The following FBXL17 variants were observed in gnomAD, a reference collection of about 807,000 sequenced individuals.
The protein encoded by FBXL17 is F-box and leucine rich repeat protein 17.
Under a neutral mutation model 66.2 loss-of-function variants are expected in FBXL17, and 22 were observed. The observed-to-expected ratio is 0.33, with a 90% CI of 0.24 to 0.47. FBXL17 has a LOEUF of 0.47. FBXL17 is among the 20% of genes least tolerant of loss of function. FBXL17 has a pLI of 1.00. For missense variants in FBXL17, 878 were observed against 948.2 expected (o/e 0.93, Z 0.97); for synonymous variants, 474 against 400.5 (o/e 1.18, Z -2.19).
chr5:108,038,288 A>ATCAGGACTGTATG (rs1554059277), intron 6 of FBXL17, among the ~76,000 whole-genome samples: 2 of 151,992 alleles, frequency 1.3e-5, no homozygotes, highest in Non-Finnish European at 2.9e-5. Flanking sequence ...TAGTTGTAAT[A>ATCAGGACTGTATG]ACAGGACTGT....
chr5:108,339,163 A>G (rs1746713582), intron 4 of FBXL17, among the ~76,000 whole-genome samples: 1 of 152,188 alleles, frequency 6.6e-6, no homozygotes, highest in African/African-American at 2.4e-5. Flanking sequence ...TAATTCTCCA[A>G]TTCTCCTTCC....
At chr5:107,918,917 A>G (rs1750220883) in intron 7 of FBXL17, among the ~76,000 whole-genome samples, 1 of 152,158 alleles carries the variant, frequency 6.6e-6, no homozygotes, top group Non-Finnish European at 1.5e-5. Context: ...TGCTTTCATT[A>G]TATTTTAATC....
chr5:108,327,372 T>C (rs780191776), intron 4 of FBXL17, among the ~76,000 whole-genome samples: 1 of 152,212 alleles, frequency 6.6e-6, no homozygotes, highest in Non-Finnish European at 1.5e-5. Context: ...AGTAACCTTC[T>C]TATTGTTTAA....
intron 4 of FBXL17, among the ~76,000 whole-genome samples, chr5:108,312,220 C>T (rs921371096): frequency 2.6e-5 from 4 of 152,050 alleles, no homozygotes; most frequent in African/African-American, 9.7e-5. Context: ...AAAGAATAAG[C>T]ATCCCTAGTC....
intron 6 of FBXL17, among the ~76,000 whole-genome samples, chr5:108,082,341 G>T (rs114612316): frequency 6.6e-6 from 1 of 152,070 alleles, no homozygotes; most frequent in Non-Finnish European, 1.5e-5. Context: ...GTGGGTCTCT[G>T]ATTTCTTCTC....
At chr5:108,013,325 T>A (rs759890062) in intron 7 of FBXL17, among the ~76,000 whole-genome samples, 1 of 152,228 alleles carries the variant, frequency 6.6e-6, no homozygotes, top group Non-Finnish European at 1.5e-5. Flanking sequence ...AATATTTTCA[T>A]AAGGTTTCTT....
At chr5:108,127,308 A>G (rs895093689) in intron 6 of FBXL17, among the ~76,000 whole-genome samples, 2 of 152,238 alleles carry the variant, frequency 1.3e-5, no homozygotes, top group Non-Finnish European at 2.9e-5. Context: ...AAGAACTACA[A>G]TGATGATTAA....
At chr5:107,974,087 A>C (rs1752491901) in intron 7 of FBXL17, among the ~76,000 whole-genome samples, 1 of 152,158 alleles carries the variant, frequency 6.6e-6, no homozygotes, top group South Asian at 2.1e-4. Context: ...AAGGTTTTGC[A>C]AAGGGTGATC....
chr5:108,356,125 T>C (rs1747970816), intron 3 of FBXL17, among the ~76,000 whole-genome samples: 2 of 152,136 alleles, frequency 1.3e-5, no homozygotes, highest in South Asian at 4.1e-4. Flanking sequence ...GCAAAGAATG[T>C]TATCAGTGAT....
chr5:107,992,641 T>A (rs1276170099), intron 7 of FBXL17, among the ~76,000 whole-genome samples: 1 of 152,136 alleles, frequency 6.6e-6, no homozygotes, highest in African/African-American at 2.4e-5. Context: ...TTTTAAAAAT[T>A]TTTTTATCAA....
At chr5:108,010,774 A>G (rs898883366) in intron 7 of FBXL17, among the ~76,000 whole-genome samples, 1 of 152,212 alleles carries the variant, frequency 6.6e-6, no homozygotes, top group Admixed American at 6.5e-5. Flanking sequence ...TCAATAAAAA[A>G]AAATTGCAAT....
rs564286411 is a variant in FBXL17 at position 108,188,128 on chromosome 5, T to C, written c.1615-1881A>G. ...ACAGGACAGCTCAAAAGAATGGTCA[T>C]TGGGAGGGTAGGAGGTAAATTGCCA... On this transcript the variant is annotated intron_variant, in intron 5 of 8. Coordinates refer to ENST00000542267, the MANE Select transcript of FBXL17 (RefSeq NM_001163315.3). 2.6e-5 allele frequency among the ~76,000 whole-genome samples: 4 copies of C among 152,118 alleles called. No individual in the cohort carries two copies. The South Asian group carries it at 6.2e-4, about 24-fold the overall frequency.
intron 6 of FBXL17, among the ~76,000 whole-genome samples, chr5:108,105,876 T>A (rs1217846060): frequency 1.3e-5 from 2 of 152,184 alleles, no homozygotes; most frequent in African/African-American, 4.8e-5. Context: ...TTTATTTACT[T>A]AAGAAATATG....
chr5:108,255,815 T>C (rs1376778909), intron 4 of FBXL17, among the ~76,000 whole-genome samples: 1 of 152,096 alleles, frequency 6.6e-6, no homozygotes. Context: ...AGAGGAAAAT[T>C]AGAACTAAAA....
intron 6 of FBXL17, among the ~76,000 whole-genome samples, chr5:108,022,265 G>T (rs1754632919): frequency 6.6e-6 from 1 of 151,752 alleles, no homozygotes. Flanking sequence ...ACTTAAAACA[G>T]CAACACAATG....
rs143600031 is a variant in FBXL17 at position 108,165,973 on chromosome 5, A to C, written c.1745+20144T>G. 3.3e-5 allele frequency among the ~76,000 whole-genome samples: 5 copies of C among 152,328 alleles called. No individual in the cohort carries two copies. The East Asian group carries it at 9.6e-4, about 29-fold the overall frequency. On this transcript the variant is annotated intron_variant, in intron 6 of 8. Coordinates refer to ENST00000542267, the MANE Select transcript of FBXL17 (RefSeq NM_001163315.3). The stretch of plus-strand genomic sequence containing the variant: ...ATGATTATTCTTCAGGGAGTGAAAT[A>C]ATATAGTAACCTAAGGAAGAAACCC...
At chr5:108,208,917 A>G (rs1332018914) in intron 5 of FBXL17, among the ~76,000 whole-genome samples, 2 of 152,130 alleles carry the variant, frequency 1.3e-5, no homozygotes, top group African/African-American at 4.8e-5. Context: ...GGCCATTTTC[A>G]TGATATTGAT....
intron 3 of FBXL17, among the ~76,000 whole-genome samples, chr5:108,360,392 G>A (rs899733145): frequency 3.3e-5 from 5 of 151,454 alleles, no homozygotes; most frequent in East Asian, 3.9e-4. Context: ...TTTTTCTTTC[G>A]ACACTTTAAA....
At chr5:108,351,919 C>T (rs201003646) in intron 3 of FBXL17, among the ~76,000 whole-genome samples, 1 of 152,228 alleles carries the variant, frequency 6.6e-6, no homozygotes, top group African/African-American at 2.4e-5. Context: ...TAAATCACAG[C>T]GCCGCAGGCT....
Sources: gnomAD v4.1 joint callset for allele counts (sites outside exome capture counted in the v4.1 genomes callset) on GRCh38, gnomAD v4.1.1 for gene constraint, MANE v1.5 for transcripts, NCBI Gene and HGNC (gene_info 2026-07-23, HGNC 2026-07-21) for gene names.